YARS1: variants seen among roughly 807,000 people sequenced by gnomAD.
YARS1 encodes the protein tyrosyl-tRNA synthetase 1, also known as tyrosine--tRNA ligase, cytoplasmic.
YARS1 carries 36 observed loss-of-function variants against 62.2 expected under a neutral mutation model. The observed-to-expected ratio is 0.58, with a 90% confidence interval of 0.44 to 0.76. The LOEUF (loss-of-function observed/expected upper bound fraction) is 0.76. YARS1 is among the 30% of genes least tolerant of loss of function. YARS1 has a pLI of 0.00. For synonymous variants in YARS1, 234 were observed against 244.9 expected (o/e 0.96, Z 0.42); for missense variants, 524 against 639.8 (o/e 0.82, Z 1.95).
intron 6 of YARS1, among the ~76,000 whole-genome samples, chr1:32,787,294 T>G (rs2148604293): frequency 6.6e-6 from 1 of 151,958 alleles, no homozygotes; most frequent in East Asian, 1.9e-4. Flanking sequence ...CATGCCCAGG[T>G]AATTCTATTT....
intron 4 of YARS1, among the ~76,000 whole-genome samples, chr1:32,799,191 T>A (rs1412544596): frequency 6.6e-6 from 1 of 152,122 alleles, no homozygotes; most frequent in African/African-American, 2.4e-5. Flanking sequence ...AGGTGTGAAG[T>A]GTTTAGGGAA....
At chr1:32,804,801 C>T (rs1638411841) in intron 4 of YARS1, among the ~76,000 whole-genome samples, 1 of 152,178 alleles carries the variant, frequency 6.6e-6, no homozygotes, top group Admixed American at 6.5e-5. Context: ...GGCGGCCAGG[C>T]AGAGACGCTC....
rs1469589446 is a variant in YARS1 at position 32,810,521 on chromosome 1, T to G, written c.380+70A>C. 8 of 1,590,220 alleles carry G rather than the reference T, an allele frequency of 5.0e-6. No individual in the cohort carries two copies. The Admixed American group carries it at 1.3e-4, about 27-fold the overall frequency. On this transcript the variant is annotated intron_variant, in intron 3 of 12. Coordinates refer to ENST00000373477, the MANE Select transcript of YARS1 (RefSeq NM_003680.4). ...TTCTAATCTAAATGTAAAGAATGCC[T>G]GGACTCCACAGGCCTGTAATTAGCT...
chr1:32,784,589 C>T (rs989101282), intron 8 of YARS1, among the ~76,000 whole-genome samples: 4 of 152,062 alleles, frequency 2.6e-5, no homozygotes, highest in African/African-American at 9.7e-5. Context: ...ATTCCTCAAG[C>T]AAAATAGTGC....
intron 10 of YARS1, 84 bp from the exon 11 acceptor site, chr1:32,780,362 C>T: frequency 6.6e-7 from 1 of 1,517,136 alleles, no homozygotes; most frequent in Non-Finnish European, 9.1e-7. Flanking sequence ...CGGAAAGGAG[C>T]ATCCACTCCT....
intron 3 of YARS1, among the ~76,000 whole-genome samples, chr1:32,807,786 T>C (rs973924112): frequency 2.6e-5 from 4 of 152,274 alleles, no homozygotes; most frequent in Admixed American, 2.0e-4. Flanking sequence ...TCAATTAGTA[T>C]TTTTCTTCAC....
intron 1 of YARS1, 177 bp downstream of exon 1, chr1:32,817,011 C>T: frequency 1.3e-6 from 1 of 777,454 alleles, no homozygotes; most frequent in Non-Finnish European, 2.1e-6. Flanking sequence ...CTGGGGAACC[C>T]AGGGAAGGGC....
intron 1 of YARS1, among the ~76,000 whole-genome samples, chr1:32,814,878 G>A (rs1638666769): frequency 6.6e-6 from 1 of 152,190 alleles, no homozygotes; most frequent in South Asian, 2.1e-4. Context: ...ACGGTTTTGG[G>A]AGGCTGTCAG....
chr1:32,780,001 T>C (rs1652998218), intron 11 of YARS1, 84 bp downstream of exon 11: 2 of 1,494,826 alleles, frequency 1.3e-6, no homozygotes, highest in African/African-American at 2.8e-5. Context: ...TTCCACCTGG[T>C]GTGTGGAAGG....
At chr1:32,800,501 T>A (rs1638252803) in intron 4 of YARS1, among the ~76,000 whole-genome samples, 1 of 152,022 alleles carries the variant, frequency 6.6e-6, no homozygotes, top group Non-Finnish European at 1.5e-5. Context: ...AAAAAAATTA[T>A]ACAGATATAC....
Position 32,780,134 on chromosome 1 carries a change from G to A in YARS1, c.1285C>T (p.Gln429Ter). 6.2e-7 allele frequency: 1 copy of A among 1,614,082 alleles called. No homozygotes were observed. Among genetic ancestry groups the A allele is most frequent in the East Asian group, 2.2e-5 (1 of 44,868 alleles). Residue 429 changes from glutamine (Q) to a stop codon, truncating the protein, a stop_gained, in exon 11 of 13, where the codon CAG (glutamine) becomes TAG (stop). Coordinates refer to ENST00000373477, the MANE Select transcript of YARS1 (RefSeq NM_003680.4). LOFTEE classifies it high-confidence loss of function. ...LVVVLCNLKP[Q>*]KMRGVESQGM... ...TGGGACTCGACTCCTCTCATCTTCTGGGGTTTCAGGTTGCACAGCACCACT... is the reference window on the plus strand; with the variant it reads ...TGGGACTCGACTCCTCTCATCTTCTAGGGTTTCAGGTTGCACAGCACCACT...
chr1:32,810,220 G>A (rs1175514962), intron 3 of YARS1, among the ~76,000 whole-genome samples: 1 of 152,024 alleles, frequency 6.6e-6, no homozygotes, highest in African/African-American at 2.4e-5. Flanking sequence ...TTGGGGCGGT[G>A]AGAAATAAGT....
At chr1:32,811,695 C>T (rs927528846) in intron 1 of YARS1, 2 of 156,934 alleles carry the variant, frequency 1.3e-5, no homozygotes, top group Admixed American at 1.2e-4. Context: ...ATCTCTCGGT[C>T]GCTGGCTAAT....
At chr1:32,785,508 A>G (rs1395959464) in intron 8 of YARS1, among the ~76,000 whole-genome samples, 23 of 151,744 alleles carry the variant, frequency 1.5e-4, no homozygotes, top group Admixed American at 1.5e-3. Flanking sequence ...GCATATAACT[A>G]CAAACCTAGC....
At position 32,785,617 on chromosome 1, in the gene YARS1, T is replaced by C. The variant is rs186611929; in HGVS notation, c.906+745A>G. ...TTCTTTTTGAGACGGAGTTTCACTCTTGTTGCCCAGGCTGGAGTACAATGG... is the reference window on the plus strand; with the variant it reads ...TTCTTTTTGAGACGGAGTTTCACTCCTGTTGCCCAGGCTGGAGTACAATGG... On this transcript the variant is annotated intron_variant, in intron 8 of 12. Transcript: ENST00000373477. 3.1e-3 allele frequency among the ~76,000 whole-genome samples: 469 copies of C among 151,936 alleles called. 3 individuals carry two copies. Among genetic ancestry groups the C allele is most frequent in the African/African-American group, 0.01 (427 of 41,452 alleles).
intron 4 of YARS1, 124 bp downstream of exon 4, chr1:32,806,358 C>T (rs1638466424): frequency 1.5e-5 from 23 of 1,519,986 alleles, no homozygotes; most frequent in Admixed American, 3.4e-5. Context: ...AGGGTTGCCA[C>T]ACACCTTCAA....
chr1:32,807,411 T>C (rs1194836814), intron 3 of YARS1, among the ~76,000 whole-genome samples: 2 of 152,184 alleles, frequency 1.3e-5, no homozygotes, highest in African/African-American at 2.4e-5. Context: ...TAAAATGTGA[T>C]AGACCTATCT....
chr1:32,798,377 C>T (rs940601738), intron 4 of YARS1, among the ~76,000 whole-genome samples: 21 of 152,318 alleles, frequency 1.4e-4, no homozygotes, highest in African/African-American at 5.1e-4. Flanking sequence ...TAAGAGTAGT[C>T]TCTGCCCTCA....
chr1:32,813,905 C>T (rs749994300), intron 1 of YARS1, among the ~76,000 whole-genome samples: 14 of 152,094 alleles, frequency 9.2e-5, no homozygotes, highest in Non-Finnish European at 1.8e-4. Flanking sequence ...TAGTTTTCCT[C>T]GTCTCTGCCT....
Sources: allele counts gnomAD v4.1 joint callset (sites outside exome capture counted in the v4.1 genomes callset), GRCh38; gene constraint gnomAD v4.1.1; transcripts MANE v1.5; gene names NCBI Gene and HGNC (gene_info 2026-07-23, HGNC 2026-07-21).